Variants in NAF1 observed in about 807,000 individuals in gnomAD.
The protein encoded by NAF1 is nuclear assembly factor 1 ribonucleoprotein, also known as H/ACA ribonucleoprotein complex non-core subunit NAF1.
A neutral mutation model predicts 40.6 loss-of-function variants in NAF1; 11 were observed. The observed-to-expected ratio is 0.27, with a 90% CI of 0.17 to 0.45. The LOEUF (loss-of-function observed/expected upper bound fraction) is 0.45, where lower values mean the gene tolerates loss of function less well. Ranked by LOEUF, NAF1 falls within the 20% of genes least tolerant of loss-of-function variation. The pLI, the probability that NAF1 is intolerant of heterozygous loss-of-function variation, is 1.00. For synonymous variants in NAF1, 260 were observed against 228.5 expected (o/e 1.14, Z -1.24); for missense variants, 607 against 611.1 (o/e 0.99, Z 0.07).
Position 163,166,872 on chromosome 4 carries a change from CGGA to C in NAF1, c.-148_-146del. 9.0e-7 allele frequency: 1 copy of C among 1,110,294 alleles called. No homozygotes were observed. The highest frequency in any genetic ancestry group is 1.2e-6 in the Non-Finnish European group (1 of 802,608). 68.8% of individuals were successfully genotyped at this position (1,110,294 alleles called of 1,614,324 possible). A position where few individuals can be genotyped will look rare whatever the true frequency, so the allele number is the denominator to read the frequency against. On this transcript the variant is annotated 5_prime_UTR_variant, in exon 1 of 8. Transcript: ENST00000274054. ...CCCGCGTTTCTCAGGTAACTACACGCGGAGGAGCCAAAAGACACGCCCCCGCCA... is the reference window on the plus strand; with the variant it reads ...CCCGCGTTTCTCAGGTAACTACACGCGGAGCCAAAAGACACGCCCCCGCCA...
downstream of NAF1, among the ~76,000 whole-genome samples, chr4:163,124,606 CTA>C (rs1033492351): frequency 2.0e-5 from 3 of 152,026 alleles, no homozygotes; most frequent in East Asian, 3.8e-4. Flanking sequence ...TTTATTTTTT[CTA>C]TATGTTTTCG....
At chr4:163,148,062 T>G (rs1247816675) in intron 3 of NAF1, among the ~76,000 whole-genome samples, 2 of 152,154 alleles carry the variant, frequency 1.3e-5, no homozygotes, top group Non-Finnish European at 1.5e-5. Flanking sequence ...AAGTTTGCAG[T>G]AATTTGGTAT....
Position 163,165,812 on chromosome 4 carries a change from C to G in NAF1, c.365+551G>C, listed in dbSNP as rs543774390. On this transcript the variant is annotated intron_variant, in intron 1 of 7. Transcript: ENST00000274054. The stretch of plus-strand genomic sequence containing the variant: ...AAAGGCTCTCACAAAACGTAAGAAG[C>G]ATAAGATACTACTAAATAACACTGT... Among the ~76,000 whole-genome samples the G allele has an allele frequency of 3.9e-5, 6 of 152,274 alleles. No homozygotes were observed. In the East Asian group the frequency reaches 7.7e-4, roughly 20 times the overall value.
In NAF1 at chr4:163,140,365, G is replaced by C; in HGVS notation, c.736C>G (p.Pro246Ala). The change falls in exon 5 of 8, where the codon CCT becomes GCT. Residue 246 changes from proline (P) to alanine (A), a missense_variant. This residue lies in a region of NAF1 where 407 missense variants were observed against 365.5 expected (regional missense o/e 1.11). Coordinates refer to ENST00000274054, the MANE Select transcript of NAF1 (RefSeq NM_138386.3). The stretch of plus-strand genomic sequence containing the variant: ...AACACATAAAATGGATGTGCAACAG[G>C]TCCAAATATCTCGAATATCTGTAAT... Reference protein sequence around the residue: ...AAGKIFEIFGPVAHPFYVLRF... With the variant: ...AAGKIFEIFGAVAHPFYVLRF... The C allele has an allele frequency of 6.2e-7, 1 of 1,604,064 alleles. No individual in the cohort carries two copies. The highest frequency in any genetic ancestry group is 1.1e-5 in the South Asian group (1 of 88,446).
chr4:163,166,061 C>T (rs1370189233), intron 1 of NAF1, among the ~76,000 whole-genome samples: 1 of 152,062 alleles, frequency 6.6e-6, no homozygotes, highest in East Asian at 1.9e-4. Context: ...CGGAAATAAC[C>T]TAAGATCCTC....
rs546256546 is a variant in NAF1 at position 163,128,833 on chromosome 4, GA to G, written c.*63del. 22,774 of 1,055,940 alleles carry G rather than the reference GA, an allele frequency of 0.022. 5 individuals are homozygous for G. Among genetic ancestry groups the G allele is most frequent in the South Asian group, 0.038 (1,791 of 47,324 alleles). The allele number at this position is 1,055,940 out of a possible 1,614,324, so 65.4% of individuals were successfully genotyped here. ...AAAATCTAGCTCCATAATCACTCTT[GA>G]AAAAAAAAAATCCTTACCACATAAT... is the stretch of plus-strand genomic sequence containing the variant. On this transcript the variant is annotated 3_prime_UTR_variant, in exon 8 of 8. Coordinates refer to ENST00000274054, the MANE Select transcript of NAF1 (RefSeq NM_138386.3).
At chr4:163,137,686 A>C (rs1447085009) in intron 5 of NAF1, among the ~76,000 whole-genome samples, 1 of 152,106 alleles carries the variant, frequency 6.6e-6, no homozygotes, top group East Asian at 1.9e-4. Context: ...TGGCAGAGAT[A>C]TCAATATGAA....
At chr4:163,117,427 T>C (rs1466164466) in intron 2 of NAF1, 1 of 152,158 alleles carries the variant, frequency 6.6e-6, no homozygotes, top group East Asian at 1.9e-4. Context: ...GCTCTCTAAT[T>C]TCACTAGGTT....
At chr4:163,155,322 G>A (rs1038012884) in intron 2 of NAF1, among the ~76,000 whole-genome samples, 7 of 152,062 alleles carry the variant, frequency 4.6e-5, no homozygotes, top group African/African-American at 1.7e-4. Context: ...CAATCATAAC[G>A]AGGACCCAGT....
intron 2 of NAF1, among the ~76,000 whole-genome samples, chr4:163,149,322 A>G (rs1385951792): frequency 6.6e-6 from 1 of 152,180 alleles, no homozygotes; most frequent in African/African-American, 2.4e-5. Context: ...TGGGAGAAGG[A>G]TAACTTTTGG....
rs1468982434 is a variant in NAF1 at position 163,132,471 on chromosome 4, C to T, written c.1033+683G>A. ...TCAGTGGCAAAAGCCTTTCCCTAATCGTACTACAGTGTATAACTTCACTTA... is the reference window on the plus strand; with the variant it reads ...TCAGTGGCAAAAGCCTTTCCCTAATTGTACTACAGTGTATAACTTCACTTA... On this transcript the variant is annotated intron_variant, in intron 7 of 7. Transcript: ENST00000274054. 2.0e-5 allele frequency among the ~76,000 whole-genome samples: 3 copies of T among 152,146 alleles called. 1 individual carries two copies. The highest frequency in any genetic ancestry group is 4.1e-4 in the South Asian group (2 of 4,824).
chr4:163,141,509 T>C (rs1365873016), intron 4 of NAF1, among the ~76,000 whole-genome samples: 1 of 152,224 alleles, frequency 6.6e-6, no homozygotes, highest in Non-Finnish European at 1.5e-5. Context: ...CCATGTTATA[T>C]TCTTTGTAAG....
intron 2 of NAF1, among the ~76,000 whole-genome samples, chr4:163,152,707 C>T (rs1367072387): frequency 1.3e-5 from 2 of 152,258 alleles, no homozygotes; most frequent in Non-Finnish European, 2.9e-5. Context: ...CCCTGGCTCA[C>T]TCTCCGCGCC....
At chr4:163,161,628 C>A (rs1732226711) in intron 2 of NAF1, among the ~76,000 whole-genome samples, 1 of 152,162 alleles carries the variant, frequency 6.6e-6, no homozygotes, top group Non-Finnish European at 1.5e-5. Flanking sequence ...TAGTTCCCAG[C>A]TGCTTTCGAA....
intron 2 of NAF1, among the ~76,000 whole-genome samples, chr4:163,157,648 G>C (rs1447711052): frequency 2.0e-5 from 3 of 151,842 alleles, no homozygotes; most frequent in Non-Finnish European, 4.4e-5. Context: ...AGAAATGCAA[G>C]ATCCTAACCA....
intron 4 of NAF1, chr4:163,143,989 T>C (rs1305078461): frequency 7.2e-6 from 7 of 972,482 alleles, no homozygotes; most frequent in East Asian, 1.1e-4. Context: ...AAATATGTCA[T>C]GAGAACTGAG....
At chr4:163,136,131 T>G (rs1731046533) in intron 6 of NAF1, 1 of 152,136 alleles carries the variant, frequency 6.6e-6, no homozygotes, top group African/African-American at 2.4e-5. Flanking sequence ...TTACGATTGC[T>G]TTAAACATCT....
In NAF1 at chr4:163,155,682, G is replaced by A. The variant is rs184507357; in HGVS notation, c.541-7248C>T. ...TTGGCTCCCTGAAAACACACCTGCT[G>A]CCCCTCCTAAGATAATGAATAAATC... On this transcript the variant is annotated intron_variant, in intron 2 of 7. Coordinates refer to ENST00000274054, the MANE Select transcript of NAF1 (RefSeq NM_138386.3). 2.6e-5 allele frequency among the ~76,000 whole-genome samples: 4 copies of A among 152,214 alleles called. No individual in the cohort carries two copies. The East Asian group carries it at 7.7e-4, about 29-fold the overall frequency.
chr4:163,107,959 T>A (rs1028338365), downstream of NAF1, among the ~76,000 whole-genome samples: 7 of 152,230 alleles, frequency 4.6e-5, no homozygotes, highest in Admixed American at 1.3e-4. Flanking sequence ...TCTTTGATAA[T>A]GTTTGACATA....
Sources: allele counts gnomAD v4.1 joint callset (sites outside exome capture counted in the v4.1 genomes callset), GRCh38; gene constraint gnomAD v4.1.1; regional missense constraint gnomAD v4.1.1; transcripts MANE v1.5; gene names NCBI Gene and HGNC (gene_info 2026-07-23, HGNC 2026-07-21).